The following TAPBPL variants were observed in gnomAD, a reference collection of about 807,000 sequenced individuals.
TAPBPL encodes TAP binding protein like.
Under a neutral mutation model 44.8 loss-of-function variants are expected in TAPBPL, and 32 were observed. That is an observed-to-expected ratio of 0.71 (90% CI 0.54 to 0.96). The LOEUF (loss-of-function observed/expected upper bound fraction) is 0.96, where lower values mean the gene tolerates loss of function less well. TAPBPL is among the 40% of genes least tolerant of loss of function. The probability of loss-of-function intolerance (pLI) is 0.00; values close to 1 mark genes in which losing one functional copy is unlikely to be tolerated. For missense variants in TAPBPL, 520 were observed against 586.6 expected, an observed-to-expected ratio of 0.89 and a Z score of 1.17; for synonymous variants, 230 against 240.7, an observed-to-expected ratio of 0.96 and a Z score of 0.41.
chr12:6,464,145 C>T (rs758768912), downstream of TAPBPL: 9 of 1,389,556 alleles, frequency 6.5e-6, no homozygotes, highest in Admixed American at 1.1e-4. Context: ...ATGGGTACTT[C>T]GCCTCAGCCA....
At position 6,453,582 on chromosome 12, in the gene TAPBPL, C is replaced by G. The variant is rs143772567; in HGVS notation, c.431C>G (p.Ala144Gly). Residue 144 changes from alanine (A) to glycine (G), a missense_variant, in exon 3 of 7, where the codon GCC becomes GGC. Physicochemically the swap from Ala to Gly is moderately conservative, Grantham distance 60. Coordinates refer to ENST00000266556, the MANE Select transcript of TAPBPL (RefSeq NM_018009.5). The surrounding 1 kb of genome is among the most constrained non-coding windows in gnomAD (Gnocchi z 4.8). ...TTVKTAAWFM[A>G]NMQVSGGGPS... ...GTTAAGACAGCAGCTTGGTTCATGG[C>G]CAACATGCAGGTCTCTGGAGGGGGA... The G allele has an allele frequency of 1.2e-6, 2 of 1,614,152 alleles. No homozygotes were observed. The highest frequency in any genetic ancestry group is 1.7e-6 in the Non-Finnish European group (2 of 1,180,028).
intron 5 of TAPBPL, among the ~76,000 whole-genome samples, chr12:6,459,985 G>A (rs1284334525): frequency 1.3e-5 from 2 of 151,934 alleles, no homozygotes; most frequent in African/African-American, 2.4e-5. Context: ...GGCCAGGCTG[G>A]TCTCAAACTC....
At position 6,453,427 on chromosome 12, in the gene TAPBPL, T is replaced by C; in HGVS notation, c.296-20T>C. 6.2e-7 allele frequency: 1 copy of C among 1,613,400 alleles called. No individual in the cohort carries two copies. On this transcript the variant is annotated intron_variant, in intron 2 of 6. Coordinates refer to ENST00000266556, the MANE Select transcript of TAPBPL (RefSeq NM_018009.5). The surrounding 1 kb of genome is among the most constrained non-coding windows in gnomAD (Gnocchi z 4.8). ...TTCTCACGCTAATTTGCCCTCTGTG[T>C]GTGCCCTGCTTCTCCCCAGTGGACC...
At chr12:6,466,159 A>C, downstream of TAPBPL, 2 of 1,613,006 alleles carry the variant, frequency 1.2e-6, no homozygotes, top group Non-Finnish European at 1.7e-6. Context: ...AGAAAAGATA[A>C]GAAGTTCCCT....
chr12:6,458,707 A>G lies in TAPBPL; in HGVS notation c.967A>G (p.Ile323Val). 1 of 1,614,106 alleles carries G rather than the reference A, an allele frequency of 6.2e-7. No homozygotes were observed. The highest frequency in any genetic ancestry group is 1.7e-5 in the Admixed American group (1 of 60,024). Residue 323 changes from isoleucine to valine, a missense_variant, in exon 5 of 7, where the codon ATT becomes GTT. Coordinates refer to ENST00000266556, the MANE Select transcript of TAPBPL (RefSeq NM_018009.5). ...TCTGCTGCCCACCCTCATCTGCGAC[A>G]TTGCTGGCTATTACCCTCTGGATGT... Reference protein sequence around the residue: ...EALLPTLICDIAGYYPLDVVV... With the variant: ...EALLPTLICDVAGYYPLDVVV...
rs199504335 is a variant in TAPBPL at position 6,453,331 on chromosome 12, C to T, written c.295+34C>T. The stretch of plus-strand genomic sequence containing the variant: ...CTTCCACCTGTGTCCTTGGTCCTCC[C>T]GGGCTCCCTCCACCAGGACAGCCCA... On this transcript the variant is annotated intron_variant, in intron 2 of 6. Coordinates refer to ENST00000266556, the MANE Select transcript of TAPBPL (RefSeq NM_018009.5). The surrounding 1 kb of genome is among the most constrained non-coding windows in gnomAD (Gnocchi z 4.8). 2.7e-4 allele frequency: 441 copies of T among 1,611,100 alleles called. No homozygotes were observed. Among genetic ancestry groups the T allele is most frequent in the Admixed American group, 6.0e-4 (36 of 59,662 alleles).
downstream of TAPBPL, chr12:6,466,941 T>C (rs1950037055): frequency 6.5e-6 from 1 of 153,842 alleles, no homozygotes. Context: ...GGGGCCCATC[T>C]TTCCGGTGCT....
At chr12:6,470,590 G>A (rs115734994), downstream of TAPBPL, 3,977 of 1,610,334 alleles carry the variant, frequency 2.5e-3, 85 homozygotes, top group African/African-American at 0.046. Flanking sequence ...GAGACACCCG[G>A]TGAGGGACGC....
At chr12:6,467,985 TGTCCA>T (rs1945671313), downstream of TAPBPL, among the ~76,000 whole-genome samples, 1 of 152,260 alleles carries the variant, frequency 6.6e-6, no homozygotes, top group Admixed American at 6.5e-5. Flanking sequence ...AACGCCTGGA[TGTCCA>T]GGCAAAAGTT....
downstream of TAPBPL, chr12:6,470,789 C>T (rs938400648): frequency 8.9e-6 from 5 of 560,534 alleles, no homozygotes; most frequent in Non-Finnish European, 1.3e-5. Flanking sequence ...CGCTACAGGC[C>T]TAGCCCGCCC....
chr12:6,454,042 A>T (rs917645477), intron 3 of TAPBPL, among the ~76,000 whole-genome samples: 4 of 151,968 alleles, frequency 2.6e-5, no homozygotes, highest in African/African-American at 4.8e-5. Context: ...AGAAAAGAAA[A>T]GCAAGTCACA....
At chr12:6,463,192 GAATTCAGACAGGAA>G, downstream of TAPBPL, 1 of 1,437,812 alleles carries the variant, frequency 7.0e-7, no homozygotes, top group Non-Finnish European at 9.1e-7. This position sits in a 1 kb window ranked among gnomAD's most constrained non-coding sequence, Gnocchi z 4.0. Context: ...AGGCAAAGTA[GAATTCAGACAGGAA>G]AGGGTGGTTC....
At chr12:6,460,767 C>A in intron 5 of TAPBPL, 88 bp from the exon 6 acceptor site, 1 of 1,292,080 alleles carries the variant, frequency 7.7e-7, no homozygotes, top group Non-Finnish European at 1.1e-6. Context: ...TCCTTAGCTC[C>A]TCCTCCCTGG....
downstream of TAPBPL, among the ~76,000 whole-genome samples, chr12:6,469,007 T>C (rs1408537879): frequency 1.3e-5 from 2 of 152,176 alleles, no homozygotes; most frequent in African/African-American, 2.4e-5. Context: ...ATAGAACTAA[T>C]ACCCAGAAGC....
At position 6,455,230 on chromosome 12, in the gene TAPBPL, GAAGAT is replaced by G. The variant is rs553146514; in HGVS notation, c.565+1517_565+1521del. Among the ~76,000 whole-genome samples, 453 of 152,252 alleles carry G rather than the reference GAAGAT, an allele frequency of 3.0e-3. 2 individuals are homozygous for G. The highest frequency in any genetic ancestry group is 0.01 in the African/African-American group (428 of 41,548). Reference sequence around the variant, plus strand: ...TCCTCTGAACTGAGAGTAAGTTGCAGAAGATAACACTTGAACCCCAAACGCATGTT... The same window carrying G: ...TCCTCTGAACTGAGAGTAAGTTGCAGAACACTTGAACCCCAAACGCATGTT... On this transcript the variant is annotated intron_variant, in intron 3 of 6. Coordinates refer to ENST00000266556, the MANE Select transcript of TAPBPL (RefSeq NM_018009.5).
chr12:6,470,641 C>G, downstream of TAPBPL: 1 of 1,456,400 alleles, frequency 6.9e-7, no homozygotes, highest in Non-Finnish European at 9.5e-7. Context: ...CCGCCTCGCG[C>G]CGACTACCCC....
chr12:6,461,077 G>A (rs1592140801), intron 6 of TAPBPL, 139 bp downstream of exon 6: 1 of 1,472,964 alleles, frequency 6.8e-7, no homozygotes, highest in East Asian at 2.4e-5. Context: ...TTTTGAGTTT[G>A]CCCTAAATGA....
chr12:6,464,889 CTTACAA>C, downstream of TAPBPL: 1 of 1,614,070 alleles, frequency 6.2e-7, no homozygotes, highest in African/African-American at 1.3e-5. Flanking sequence ...GCGATACTTA[CTTACAA>C]TAACTACCAC....
Position 6,458,804 on chromosome 12 carries a change from T to A in TAPBPL, c.1064T>A (p.Leu355His), listed in dbSNP as rs1218239384. 1 of 1,614,150 alleles carries A rather than the reference T, an allele frequency of 6.2e-7. No individual in the cohort carries two copies. The highest frequency in any genetic ancestry group is 1.1e-5 in the South Asian group (1 of 91,088). Residue 355 changes from leucine to histidine, a missense_variant, in exon 5 of 7, where the codon CTC (leucine) becomes CAC (histidine). Leu to His is a moderately conservative substitution (Grantham distance 99). Coordinates refer to ENST00000266556, the MANE Select transcript of TAPBPL (RefSeq NM_018009.5). ...AQVSGASFSS[L>H]RQSVAGTYSI... The stretch of plus-strand genomic sequence containing the variant: ...GTCTCTGGTGCCTCCTTCTCCAGCC[T>A]CAGGCAAAGCGTGGCAGGCACCTAC...
Sources: gnomAD v4.1 joint callset for allele counts (sites outside exome capture counted in the v4.1 genomes callset) on GRCh38, gnomAD v4.1.1 for gene constraint, Gnocchi (gnomAD v3.1) non-coding constraint, MANE v1.5 for transcripts, NCBI Gene and HGNC (gene_info 2026-07-23, HGNC 2026-07-21) for gene names.